SGCZ: variants seen among roughly 807,000 people sequenced by gnomAD.
SGCZ encodes zeta-sarcoglycan.
Under a neutral mutation model 41.3 loss-of-function variants are expected in SGCZ, and 40 were observed. That is an observed-to-expected ratio of 0.97 (90% CI 0.75 to 1.26). SGCZ has a LOEUF of 1.26. Among genes scored for constraint, SGCZ ranks in the 50% most tolerant of loss-of-function variants. The probability of loss-of-function intolerance (pLI) is 0.00; values close to 1 mark genes in which losing one functional copy is unlikely to be tolerated. For missense variants in SGCZ, 552 were observed against 369.8 expected (o/e 1.49, Z -4.04); for synonymous variants, 206 against 137.5 (o/e 1.50, Z -3.49).
At chr8:14,958,712 A>G (rs1450574080) in intron 1 of SGCZ, among the ~76,000 whole-genome samples, 1 of 152,142 alleles carries the variant, frequency 6.6e-6, no homozygotes, top group African/African-American at 2.4e-5. Context: ...TCACATGTAA[A>G]TTTTATCTCA....
chr8:14,217,901 G>A (rs566997939), intron 4 of SGCZ, among the ~76,000 whole-genome samples: 7 of 152,162 alleles, frequency 4.6e-5, no homozygotes, highest in African/African-American at 1.7e-4. Flanking sequence ...AAAGTGCTGG[G>A]ATTACAGGTG....
At chr8:14,100,376 C>A (rs1289050112) in intron 7 of SGCZ, among the ~76,000 whole-genome samples, 1 of 150,802 alleles carries the variant, frequency 6.6e-6, no homozygotes, top group African/African-American at 2.4e-5. Flanking sequence ...TTATTATGAG[C>A]AATTTGAATG....
At chr8:14,620,804 G>C (rs1416958840) in intron 1 of SGCZ, among the ~76,000 whole-genome samples, 1 of 152,166 alleles carries the variant, frequency 6.6e-6, no homozygotes, top group Non-Finnish European at 1.5e-5. Flanking sequence ...TGCTGGAAAG[G>C]ATGTGGAGAA....
rs974450765 is a variant in SGCZ at position 15,129,216 on chromosome 8, GT to G, written c.39+108368del. Reference sequence around the variant, plus strand: ...TGACTTTTTCGTATTGCCGGGAGTAGTTTTTGTCTCGCACTACCCCTAATCG... The same window carrying G: ...TGACTTTTTCGTATTGCCGGGAGTAGTTTTGTCTCGCACTACCCCTAATCG... On this transcript the variant is annotated intron_variant, in intron 1 of 7. Coordinates refer to ENST00000382080, the MANE Select transcript of SGCZ (RefSeq NM_139167.4). Among the ~76,000 whole-genome samples the G allele has an allele frequency of 9.9e-5, 15 of 152,126 alleles. 1 individual carries two copies. Among genetic ancestry groups the G allele is most frequent in the Admixed American group, 2.0e-4 (3 of 15,268 alleles).
chr8:14,579,236 T>A (rs1462420395), intron 1 of SGCZ, among the ~76,000 whole-genome samples: 1 of 152,206 alleles, frequency 6.6e-6, no homozygotes, highest in Non-Finnish European at 1.5e-5. Context: ...AATGCTTTAC[T>A]AAATCAGTTA....
At chr8:14,131,883 AC>A (rs1803051795) in intron 5 of SGCZ, among the ~76,000 whole-genome samples, 1 of 152,146 alleles carries the variant, frequency 6.6e-6, no homozygotes, top group African/African-American at 2.4e-5. Flanking sequence ...CAGCTTTGTA[AC>A]CTAGGAGCAG....
chr8:15,179,367 T>C (rs1800095973), intron 1 of SGCZ, among the ~76,000 whole-genome samples: 1 of 152,182 alleles, frequency 6.6e-6, no homozygotes, highest in South Asian at 2.1e-4. Context: ...AAACTGAGAA[T>C]ACAGATTTTG....
At chr8:14,601,051 T>C (rs1204607052) in intron 1 of SGCZ, among the ~76,000 whole-genome samples, 1 of 150,042 alleles carries the variant, frequency 6.7e-6, no homozygotes, top group Non-Finnish European at 1.5e-5. Context: ...ATACATTTTA[T>C]ATAAGTATAA....
At chr8:14,718,511 C>G (rs1302044271) in intron 1 of SGCZ, among the ~76,000 whole-genome samples, 1 of 152,038 alleles carries the variant, frequency 6.6e-6, no homozygotes, top group Non-Finnish European at 1.5e-5. Flanking sequence ...AAAGAAGAGT[C>G]TTATAAATTA....
chr8:14,879,416 G>C (rs965939810), intron 1 of SGCZ: 1 of 152,004 alleles, frequency 6.6e-6, no homozygotes, highest in East Asian at 1.9e-4. Flanking sequence ...AGAAAACCAT[G>C]AATAATGGAA....
chr8:14,440,763 A>G lies in SGCZ; in HGVS notation c.234+113969T>C, dbSNP rs1175901921. 3.4e-5 allele frequency among the ~76,000 whole-genome samples: 5 copies of G among 147,892 alleles called. No homozygotes were observed. In the East Asian group the frequency reaches 1.0e-3, roughly 30 times the overall value. On this transcript the variant is annotated intron_variant, in intron 2 of 7. Transcript: ENST00000382080. ...TGTATATACATACGTATACACGTAT[A>G]TGTATATATGTATATACATACGTAT... is the stretch of plus-strand genomic sequence containing the variant.
intron 2 of SGCZ, among the ~76,000 whole-genome samples, chr8:14,531,322 T>C (rs557518322): frequency 6.6e-6 from 1 of 152,100 alleles, no homozygotes; most frequent in East Asian, 1.9e-4. Context: ...TGTTGCTCAA[T>C]AAAATTCTAC....
chr8:15,169,424 C>T (rs1036753757), intron 1 of SGCZ, among the ~76,000 whole-genome samples: 92 of 152,152 alleles, frequency 6.0e-4, no homozygotes, highest in African/African-American at 2.1e-3. Context: ...CTAGCAGGGA[C>T]TCCAGTCAAA....
At chr8:14,439,124 G>T (rs1432901512) in intron 2 of SGCZ, among the ~76,000 whole-genome samples, 1 of 151,862 alleles carries the variant, frequency 6.6e-6, no homozygotes, top group Non-Finnish European at 1.5e-5. Context: ...TCCCCTATGG[G>T]CTCTGCCTTT....
intron 1 of SGCZ, among the ~76,000 whole-genome samples, chr8:15,172,442 T>G (rs1799872351): frequency 6.6e-6 from 1 of 152,020 alleles, no homozygotes; most frequent in African/African-American, 2.4e-5. Flanking sequence ...CTATTTTTTA[T>G]AAAATAGAAA....
chr8:14,964,767 A>G (rs575742738), intron 1 of SGCZ, among the ~76,000 whole-genome samples: 14 of 152,276 alleles, frequency 9.2e-5, no homozygotes, highest in Non-Finnish European at 1.5e-5. Context: ...GAACTCTACT[A>G]GGAGCTGTCA....
At chr8:15,086,274 T>C (rs1276849193) in intron 1 of SGCZ, among the ~76,000 whole-genome samples, 4 of 152,050 alleles carry the variant, frequency 2.6e-5, no homozygotes, top group African/African-American at 9.7e-5. Flanking sequence ...ATCAGGAAAA[T>C]ATTCTTGCAT....
chr8:14,493,812 C>T (rs11203617), intron 2 of SGCZ, among the ~76,000 whole-genome samples: 76,307 of 151,788 alleles, frequency 0.5, 19,493 homozygotes, highest in African/African-American at 0.58. Context: ...AACTTTCCTC[C>T]GTAGTGGGAT....
chr8:14,899,202 G>A (rs1305016186), intron 1 of SGCZ, among the ~76,000 whole-genome samples: 6 of 152,056 alleles, frequency 3.9e-5, no homozygotes, highest in African/African-American at 1.4e-4. Context: ...AAAACTGTGG[G>A]TGAAAGTATT....
Sources: gnomAD v4.1 joint callset for allele counts (sites outside exome capture counted in the v4.1 genomes callset) on GRCh38, gnomAD v4.1.1 for gene constraint, MANE v1.5 for transcripts, NCBI Gene and HGNC (gene_info 2026-07-23, HGNC 2026-07-21) for gene names.